INO80D: variants seen among roughly 807,000 people sequenced by gnomAD.
The protein encoded by INO80D is INO80 complex subunit D.
Under a neutral mutation model 87.6 loss-of-function variants are expected in INO80D, and 21 were observed. That is an observed-to-expected ratio of 0.24 (90% CI 0.17 to 0.35). The LOEUF (loss-of-function observed/expected upper bound fraction) is 0.35, where lower values mean the gene tolerates loss of function less well. Ranked by LOEUF, INO80D falls within the 10% of genes least tolerant of loss-of-function variation. The pLI, the probability that INO80D is intolerant of heterozygous loss-of-function variation, is 1.00. For synonymous variants in INO80D, 440 were observed against 491.0 expected, an observed-to-expected ratio of 0.90 and a Z score of 1.37; for missense variants, 982 against 1,280.7, an observed-to-expected ratio of 0.77 and a Z score of 3.56.
intron 4 of INO80D, among the ~76,000 whole-genome samples, chr2:206,050,842 G>T (rs918556276): frequency 6.6e-6 from 1 of 151,894 alleles, no homozygotes; most frequent in Non-Finnish European, 1.5e-5. Flanking sequence ...GGTCGCGGGC[G>T]CCTGTAGTCC....
chr2:206,006,105 C>T (rs1688017694), intron 10 of INO80D, among the ~76,000 whole-genome samples: 1 of 152,092 alleles, frequency 6.6e-6, no homozygotes, highest in African/African-American at 2.4e-5. Flanking sequence ...TAATCCTTTC[C>T]CCTCATCCTC....
At chr2:206,024,862 TCTC>T (rs1227322336) in intron 6 of INO80D, among the ~76,000 whole-genome samples, 2 of 151,976 alleles carry the variant, frequency 1.3e-5, no homozygotes, top group Admixed American at 1.3e-4. Context: ...TTCAAGCAAT[TCTC>T]CTGCCTCAGC....
chr2:206,046,919 T>C (rs1240481855), intron 4 of INO80D, among the ~76,000 whole-genome samples: 1 of 152,134 alleles, frequency 6.6e-6, no homozygotes, highest in African/African-American at 2.4e-5. Flanking sequence ...TAGCCAGGAC[T>C]ACACGCGCCA....
intron 7 of INO80D, among the ~76,000 whole-genome samples, chr2:206,018,250 T>C (rs1241911836): frequency 6.6e-6 from 1 of 152,216 alleles, no homozygotes; most frequent in Non-Finnish European, 1.5e-5. Context: ...AAGCAAGTGA[T>C]TCTCCTGTCT....
chr2:206,083,791 T>A (rs1690349866), intron 1 of INO80D, among the ~76,000 whole-genome samples: 1 of 145,814 alleles, frequency 6.9e-6, no homozygotes, highest in South Asian at 2.1e-4. Context: ...GGACATCTCC[T>A]GCCAGCAACT....
At chr2:206,028,484 G>C (rs1688676841) in intron 5 of INO80D, 149 bp from the exon 6 acceptor site, 1 of 590,988 alleles carries the variant, frequency 1.7e-6, no homozygotes, top group Non-Finnish European at 3.0e-6. Flanking sequence ...TAGAGTAAGA[G>C]AATTCCAACA....
At chr2:206,041,091 G>C (rs1027006021) in intron 5 of INO80D, among the ~76,000 whole-genome samples, 2 of 152,012 alleles carry the variant, frequency 1.3e-5, no homozygotes, top group East Asian at 3.9e-4. Flanking sequence ...CAAAAACAAA[G>C]CATATGAGTA....
chr2:206,021,213 A>T (rs1355104938), intron 6 of INO80D, among the ~76,000 whole-genome samples: 3 of 152,216 alleles, frequency 2.0e-5, no homozygotes, highest in Non-Finnish European at 2.9e-5. Context: ...TATCTTTCTC[A>T]GGGTTTCAAT....
intron 1 of INO80D, among the ~76,000 whole-genome samples, chr2:206,070,798 G>C (rs1689941664): frequency 6.6e-6 from 1 of 151,818 alleles, no homozygotes; most frequent in South Asian, 2.1e-4. Context: ...TAAAATTCTT[G>C]GGTTGTGCTT....
At chr2:206,041,585 T>C (rs1357989940) in intron 5 of INO80D, among the ~76,000 whole-genome samples, 1 of 152,068 alleles carries the variant, frequency 6.6e-6, no homozygotes, top group Non-Finnish European at 1.5e-5. Context: ...AAAGGAGAAA[T>C]AATCAAATTT....
intron 8 of INO80D, among the ~76,000 whole-genome samples, chr2:206,014,846 C>G (rs1688276424): frequency 6.6e-6 from 1 of 152,168 alleles, no homozygotes; most frequent in Non-Finnish European, 1.5e-5. Context: ...TTGGAACTCA[C>G]TGGACACTTG....
At chr2:206,009,309 GA>G (rs538064764) in intron 9 of INO80D, among the ~76,000 whole-genome samples, 11 of 149,306 alleles carry the variant, frequency 7.4e-5, no homozygotes, top group Middle Eastern at 3.4e-3. Context: ...TTGGTCTCAA[GA>G]AAAAAAAAAT....
Position 206,069,517 on chromosome 2 carries a change from G to A in INO80D, c.-123-6273C>T, listed in dbSNP as rs924829601. Among the ~76,000 whole-genome samples, 8 of 152,066 alleles carry A rather than the reference G, an allele frequency of 5.3e-5. No homozygotes were observed. The East Asian group carries it at 9.7e-4, about 18-fold the overall frequency. On this transcript the variant is annotated intron_variant, in intron 1 of 10. Transcript: ENST00000403263. ...TCCTAGCACTCTGGGAGGCCAAGGCGAGTGGATCACCTGAGGTCAGGAGTT... is the reference window on the plus strand; with the variant it reads ...TCCTAGCACTCTGGGAGGCCAAGGCAAGTGGATCACCTGAGGTCAGGAGTT...
chr2:206,072,289 T>C (rs930106788), intron 1 of INO80D, among the ~76,000 whole-genome samples: 4 of 152,000 alleles, frequency 2.6e-5, no homozygotes, highest in Non-Finnish European at 5.9e-5. Context: ...TGTTTGGTTT[T>C]TTTTTGAGAC....
chr2:206,037,027 G>C (rs1575829903), intron 5 of INO80D, among the ~76,000 whole-genome samples: 1 of 152,124 alleles, frequency 6.6e-6, no homozygotes, highest in African/African-American at 2.4e-5. Context: ...ATTGAGAAGA[G>C]AAAGGCCAGT....
intron 1 of INO80D, among the ~76,000 whole-genome samples, chr2:206,078,469 A>C (rs1412638628): frequency 6.6e-6 from 1 of 152,082 alleles, no homozygotes; most frequent in East Asian, 1.9e-4. Context: ...AAATACCTTA[A>C]TTGTTTTCAT....
chr2:206,082,973 A>T (rs1465076081), intron 1 of INO80D, among the ~76,000 whole-genome samples: 1 of 152,248 alleles, frequency 6.6e-6, no homozygotes, highest in Non-Finnish European at 1.5e-5. Context: ...GAGGAAAGAA[A>T]ACTTGATTAT....
At chr2:206,040,285 C>CA (rs35227213) in intron 5 of INO80D, 23,661 of 80,492 alleles carry the variant, frequency 0.29, 3,039 homozygotes, top group Non-Finnish European at 0.34. Context: ...GACTCTGTCT[C>CA]AAAAAAAAAA....
At chr2:206,037,843 C>A (rs1422036395) in intron 5 of INO80D, among the ~76,000 whole-genome samples, 1 of 151,990 alleles carries the variant, frequency 6.6e-6, no homozygotes, top group Non-Finnish European at 1.5e-5. Context: ...CATCAGTGGA[C>A]AAATGGATAA....
Sources: gnomAD v4.1 joint callset for allele counts (sites outside exome capture counted in the v4.1 genomes callset) on GRCh38, gnomAD v4.1.1 for gene constraint, MANE v1.5 for transcripts, NCBI Gene and HGNC (gene_info 2026-07-23, HGNC 2026-07-21) for gene names.